The following FANCI variants were observed in gnomAD, a reference collection of about 807,000 sequenced individuals.
FANCI encodes the protein FA complementation group I.
A neutral mutation model predicts 176.1 loss-of-function variants in FANCI; 156 were observed. That is an observed-to-expected ratio of 0.89 (90% CI 0.78 to 1.01). FANCI has a LOEUF of 1.01. Among genes scored for constraint, FANCI ranks in the 50% least tolerant of loss-of-function variants. The pLI, the probability that FANCI is intolerant of heterozygous loss-of-function variation, is 0.00. For synonymous variants in FANCI, 613 were observed against 541.7 expected (o/e 1.13, Z -1.83); for missense variants, 1,678 against 1,534.1 (o/e 1.09, Z -1.57).
At chr15:89,266,482 C>T (rs1157084981) in intron 9 of FANCI, among the ~76,000 whole-genome samples, 1 of 151,960 alleles carries the variant, frequency 6.6e-6, no homozygotes, top group East Asian at 1.9e-4. Flanking sequence ...GTGCGTGCCA[C>T]CACGCCCGGC....
At chr15:89,247,883 G>T in intron 2 of FANCI, 152 bp downstream of exon 2, 1 of 679,336 alleles carries the variant, frequency 1.5e-6, no homozygotes, top group Admixed American at 2.6e-5. Context: ...ATTTATAGAT[G>T]TAAAGAAATT....
At position 89,281,713 on chromosome 15, in the gene FANCI, C is replaced by G. The variant is rs8027937; in HGVS notation, c.1513-52C>G. On this transcript the variant is annotated intron_variant, in intron 15 of 37. Transcript: ENST00000310775. ...GGTAACAGTATTGGGTAGAAATGAC[C>G]TAAGGCTAATAAGCAAACTTGTTCT... 4.5e-3 allele frequency: 7,019 copies of G among 1,547,428 alleles called. 233 individuals are homozygous for G. The African/African-American group carries it at 0.073, about 16-fold the overall frequency.
chr15:89,272,726 G>A (rs1268549006), intron 10 of FANCI, among the ~76,000 whole-genome samples: 2 of 152,010 alleles, frequency 1.3e-5, no homozygotes, highest in Non-Finnish European at 2.9e-5. Context: ...GGGGGATGCA[G>A]TGGCGCAATC....
At chr15:89,314,787 A>C in intron 36 of FANCI, 80 bp downstream of exon 36, 7 of 948,826 alleles carry the variant, frequency 7.4e-6, no homozygotes, top group African/African-American at 1.6e-5. Context: ...CACAACTACA[A>C]TGGAGGAAAA....
At chr15:89,312,837 TAGCA>T in intron 34 of FANCI, 63 bp from the exon 35 acceptor site, 1 of 1,204,214 alleles carries the variant, frequency 8.3e-7, no homozygotes. Context: ...AAAAAAAAAT[TAGCA>T]CTAGCATGCT....
At chr15:89,248,362 C>T (rs2052084044) in intron 2 of FANCI, among the ~76,000 whole-genome samples, 1 of 152,160 alleles carries the variant, frequency 6.6e-6, no homozygotes, top group South Asian at 2.1e-4. Context: ...CAAGTAAAGA[C>T]ATTGAGTATC....
chr15:89,258,885 T>C (rs974807395), intron 3 of FANCI, 109 bp downstream of exon 3: 5 of 847,076 alleles, frequency 5.9e-6, no homozygotes, highest in Admixed American at 1.8e-5. Context: ...ATTTTCCATG[T>C]TTTGAGGATT....
intron 24 of FANCI, among the ~76,000 whole-genome samples, chr15:89,295,366 G>GAAAAAAAAAAAAAAAA (rs373941070): frequency 2.1e-5 from 2 of 96,304 alleles, no homozygotes; most frequent in Non-Finnish European, 4.1e-5. Context: ...ACTCTCAAAA[G>GAAAAAAAAAAAAAAAA]AAAAAAAAAA....
At chr15:89,253,098 CAG>C (rs1443784916) in intron 2 of FANCI, among the ~76,000 whole-genome samples, 3 of 151,990 alleles carry the variant, frequency 2.0e-5, no homozygotes, top group African/African-American at 7.2e-5. Context: ...AGTAGATAAA[CAG>C]AAACGGAATA....
chr15:89,306,665 G>C lies in FANCI; in HGVS notation c.3537+471G>C, dbSNP rs147956427. 2.6e-3 allele frequency among the ~76,000 whole-genome samples: 402 copies of C among 152,082 alleles called. 8 individuals carry two copies. The highest frequency in any genetic ancestry group is 0.015 in the East Asian group (77 of 5,152). On this transcript the variant is annotated intron_variant, in intron 32 of 37. Transcript: ENST00000310775. The stretch of plus-strand genomic sequence containing the variant: ...TGAGATTGTGCCACTGTACTCCAGC[G>C]TTGGCAATAGAGTGAGACTCCATCT...
At chr15:89,273,814 A>G (rs1176436657) in intron 11 of FANCI, among the ~76,000 whole-genome samples, 2 of 152,200 alleles carry the variant, frequency 1.3e-5, no homozygotes, top group African/African-American at 2.4e-5. Context: ...GCTTTCCAAG[A>G]GTAGGTTAGT....
chr15:89,256,197 C>T (rs1045176117), intron 2 of FANCI, among the ~76,000 whole-genome samples: 14 of 152,148 alleles, frequency 9.2e-5, no homozygotes, highest in Admixed American at 5.2e-4. Context: ...GTGGGCTGTC[C>T]AGTGCATTGC....
intron 18 of FANCI, among the ~76,000 whole-genome samples, chr15:89,287,586 T>C (rs1371615954): frequency 2.6e-5 from 4 of 152,230 alleles, no homozygotes; most frequent in Admixed American, 1.3e-4. Context: ...CTTGGCTCTT[T>C]GGTGCAAGAA....
chr15:89,306,068 A>G lies in FANCI; in HGVS notation c.3411A>G (p.Gln1137=), dbSNP rs781569040. 1.7e-5 allele frequency: 27 copies of G among 1,614,104 alleles called. No individual in the cohort carries two copies. Among genetic ancestry groups the G allele is most frequent in the Non-Finnish European group, 2.2e-5 (26 of 1,180,048 alleles). The change falls in exon 32 of 38, where the codon CAA becomes CAG. Residue 1137 remains glutamine, a synonymous_variant. Transcript: ENST00000310775. ...CTGTTGAGAAAGCTATCATCATGCA[A>G]CTGGGAACTCTGCTTACATTTTTCC... ...NQPVEKAIIM[Q]LGTLLTFFHE...
chr15:89,246,528 A>G (rs2051980067), intron 1 of FANCI, among the ~76,000 whole-genome samples: 2 of 152,020 alleles, frequency 1.3e-5, no homozygotes, highest in Admixed American at 1.3e-4. Context: ...CTTGGATTCT[A>G]CCTCAGCCAT....
At chr15:89,276,937 T>C (rs779117315) in intron 13 of FANCI, 46 bp downstream of exon 13, 2 of 1,601,608 alleles carry the variant, frequency 1.2e-6, no homozygotes, top group South Asian at 2.2e-5. Flanking sequence ...GTTTAAATAA[T>C]CCAAGTAGGG....
intron 6 of FANCI, 103 bp from the exon 7 acceptor site, chr15:89,263,316 A>C (rs1167757578): frequency 1.1e-6 from 1 of 928,558 alleles, no homozygotes; most frequent in Non-Finnish European, 1.7e-6. Flanking sequence ...CGGTATTGCA[A>C]AATCAAACTT....
At chr15:89,281,106 TTTTTC>T in intron 14 of FANCI, 59 bp from the exon 15 acceptor site, 2 of 1,545,252 alleles carry the variant, frequency 1.3e-6, no homozygotes, top group Admixed American at 1.7e-5. Context: ...TTTCTCCGTA[TTTTTC>T]TTTTATTTCA....
intron 9 of FANCI, among the ~76,000 whole-genome samples, chr15:89,265,256 G>C (rs1413421222): frequency 6.6e-6 from 1 of 152,110 alleles, no homozygotes; most frequent in Non-Finnish European, 1.5e-5. Context: ...GGCCCAGGCT[G>C]GAGTACATTG....
Sources: gnomAD v4.1 joint callset for allele counts (sites outside exome capture counted in the v4.1 genomes callset) on GRCh38, gnomAD v4.1.1 for gene constraint, MANE v1.5 for transcripts, NCBI Gene and HGNC (gene_info 2026-07-23, HGNC 2026-07-21) for gene names.